The following AGR3 variants were observed in gnomAD, a reference collection of about 807,000 sequenced individuals.
AGR3 encodes the protein anterior gradient protein 3.
Under a neutral mutation model 24.5 loss-of-function variants are expected in AGR3, and 37 were observed. The observed-to-expected ratio is 1.51, with a 90% confidence interval of 1.16 to 1.99. The LOEUF is 1.99. AGR3 is among the 30% of genes most tolerant of loss of function. The pLI, the probability that AGR3 is intolerant of heterozygous loss-of-function variation, is 0.00. For missense variants in AGR3, 228 were observed against 191.1 expected (o/e 1.19, Z -1.14); for synonymous variants, 75 against 61.6 (o/e 1.22, Z -1.02).
intron 3 of AGR3, among the ~76,000 whole-genome samples, chr7:16,872,923 A>G (rs1032513228): frequency 1.3e-5 from 2 of 152,314 alleles, no homozygotes; most frequent in Middle Eastern, 3.4e-3. Context: ...CACAGTTAGA[A>G]CTGATATTAT....
Position 16,865,517 on chromosome 7 carries a change from A to G in AGR3, c.174-2855T>C, listed in dbSNP as rs1004474941. 1.9e-4 allele frequency: 132 copies of G among 700,196 alleles called. 2 individuals carry two copies. In the East Asian group the frequency reaches 3.2e-3, roughly 17 times the overall value. 43.4% of individuals were successfully genotyped at this position (700,196 alleles called of 1,614,324 possible). A position where few individuals can be genotyped will look rare whatever the true frequency, so the allele number is the denominator to read the frequency against. The stretch of plus-strand genomic sequence containing the variant: ...GGAACAAGAAACTTTGATTATTTTT[A>G]CCACTGAGACTGTCACAGATTATAA... On this transcript the variant is annotated intron_variant, in intron 3 of 7. Coordinates refer to ENST00000310398, the MANE Select transcript of AGR3 (RefSeq NM_176813.5).
intron 7 of AGR3, 87 bp from the exon 8 acceptor site, chr7:16,859,718 C>T (rs185875614): frequency 4.8e-6 from 4 of 829,220 alleles, no homozygotes; most frequent in African/African-American, 3.4e-5. Context: ...TGAAATTGGC[C>T]CATTTAAATT....
In AGR3 at chr7:16,862,520, C is replaced by G. The variant is rs541971777; in HGVS notation, c.226+90G>C. The G allele has an allele frequency of 4.9e-5, 36 of 728,858 alleles. No individual in the cohort carries two copies. The African/African-American group carries it at 6.6e-4, about 13-fold the overall frequency. The allele number at this position is 728,858 out of a possible 1,614,324, so 45.1% of individuals were successfully genotyped here. ...ATTTTTTTTAATGGGATTTGCTGAG[C>G]GCCTTCTTAGCTATTATTACCAGGT... On this transcript the variant is annotated intron_variant, in intron 4 of 7. Coordinates refer to ENST00000310398, the MANE Select transcript of AGR3 (RefSeq NM_176813.5).
chr7:16,877,298 T>A (rs1225622492), intron 2 of AGR3, among the ~76,000 whole-genome samples: 1 of 142,462 alleles, frequency 7.0e-6, no homozygotes, highest in Non-Finnish European at 1.5e-5. Context: ...ATATATAATA[T>A]ATAGTATATA....
At chr7:16,866,256 C>A in intron 3 of AGR3, 2 of 529,250 alleles carry the variant, frequency 3.8e-6, no homozygotes, top group East Asian at 8.8e-5. Context: ...TGGGTCAATC[C>A]AGTCTGTTAC....
chr7:16,865,252 G>C lies in AGR3; in HGVS notation c.174-2590C>G, dbSNP rs544674296. 3.2e-5 allele frequency: 27 copies of C among 838,152 alleles called. No homozygotes were observed. The Admixed American group carries it at 4.6e-4, about 14-fold the overall frequency. 51.9% of individuals were successfully genotyped at this position (838,152 alleles called of 1,614,324 possible). A position where few individuals can be genotyped will look rare whatever the true frequency, so the allele number is the denominator to read the frequency against. On this transcript the variant is annotated intron_variant, in intron 3 of 7. Coordinates refer to ENST00000310398, the MANE Select transcript of AGR3 (RefSeq NM_176813.5). ...TTTAAAGACATTCTTTTTTTCCTTG[G>C]CCATAAGTTGTTTTCTCCTTTTGAA...
downstream of AGR3, among the ~76,000 whole-genome samples, chr7:16,855,180 A>G (rs982765278): frequency 5.3e-5 from 8 of 152,170 alleles, no homozygotes; most frequent in Non-Finnish European, 1.0e-4. Context: ...GTTGGTTACT[A>G]TAGTCATCCT....
In AGR3 at chr7:16,860,562, G is replaced by A; in HGVS notation, c.389C>T (p.Ala130Val). 1.2e-6 allele frequency: 2 copies of A among 1,613,222 alleles called. No homozygotes were observed. Among genetic ancestry groups the A allele is most frequent in the Non-Finnish European group, 1.7e-6 (2 of 1,179,480 alleles). The change falls in exon 7 of 8, where the codon GCT (alanine) becomes GTT (valine). Residue 130 changes from alanine to valine, a missense_variant. Coordinates refer to ENST00000310398, the MANE Select transcript of AGR3 (RefSeq NM_176813.5). Reference sequence around the variant, plus strand: ...GTTAGAGTATCTTCCAGCTATGTCAGCTCTAACTGTTAAAGAAGGGTCTGT... The same window carrying A: ...GTTAGAGTATCTTCCAGCTATGTCAACTCTAACTGTTAAAGAAGGGTCTGT... ...MFVDPSLTVR[A>V]DIAGRYSNRL...
chr7:16,856,951 G>C (rs1315221151), downstream of AGR3, among the ~76,000 whole-genome samples: 1 of 149,020 alleles, frequency 6.7e-6, no homozygotes, highest in East Asian at 2.0e-4. Context: ...ATGTGCGGTA[G>C]AAATATCAAC....
chr7:16,866,823 G>A (rs973398079), intron 3 of AGR3, among the ~76,000 whole-genome samples: 1 of 152,062 alleles, frequency 6.6e-6, no homozygotes, highest in Non-Finnish European at 1.5e-5. Context: ...GTATATTAGA[G>A]AAAGTCACCC....
chr7:16,863,513 C>G (rs1781689259), intron 3 of AGR3, among the ~76,000 whole-genome samples: 1 of 151,956 alleles, frequency 6.6e-6, no homozygotes, highest in African/African-American at 2.4e-5. Flanking sequence ...ACTTCTATAA[C>G]TATGCTGTAT....
chr7:16,873,649 T>G, intron 3 of AGR3, 131 bp downstream of exon 3: 2 of 689,390 alleles, frequency 2.9e-6, no homozygotes, highest in Non-Finnish European at 4.9e-6. Flanking sequence ...ATGCATATGC[T>G]AATTACACTG....
At chr7:16,868,703 G>T (rs1430455326) in intron 3 of AGR3, among the ~76,000 whole-genome samples, 3 of 151,690 alleles carry the variant, frequency 2.0e-5, no homozygotes, top group Admixed American at 2.0e-4. Flanking sequence ...TGTTTTTGAG[G>T]TCATATGAAA....
chr7:16,864,754 G>A lies in AGR3; in HGVS notation c.174-2092C>T. 4 of 1,273,964 alleles carry A rather than the reference G, an allele frequency of 3.1e-6. No individual in the cohort carries two copies. In the South Asian group the frequency reaches 4.8e-5, roughly 15 times the overall value. The allele number at this position is 1,273,964 out of a possible 1,614,324, so 78.9% of individuals were successfully genotyped here. A position where few individuals can be genotyped will look rare whatever the true frequency, so the allele number is the denominator to read the frequency against. ...CGGTGTGTGCGAGGGTCAAAAACTT[G>A]ATCCTTCTCCTTGGCAATGAGCATA... On this transcript the variant is annotated intron_variant, in intron 3 of 7. Coordinates refer to ENST00000310398, the MANE Select transcript of AGR3 (RefSeq NM_176813.5).
intron 3 of AGR3, chr7:16,865,491 G>C (rs7784670): frequency 0.12 from 88,825 of 722,692 alleles, 8,195 homozygotes; most frequent in East Asian, 0.35. Flanking sequence ...AATTTCTTTG[G>C]GGAACAAGAA....
At chr7:16,868,001 T>C (rs1378755859) in intron 3 of AGR3, among the ~76,000 whole-genome samples, 1 of 152,198 alleles carries the variant, frequency 6.6e-6, no homozygotes, top group Admixed American at 6.5e-5. Context: ...AAGGGTTCTC[T>C]TTTCTCCACA....
downstream of AGR3, among the ~76,000 whole-genome samples, chr7:16,857,699 A>G (rs181167744): frequency 2.3e-3 from 351 of 152,310 alleles, 1 homozygote; most frequent in African/African-American, 7.9e-3. Flanking sequence ...TTTTGTAAAT[A>G]AATAGGATAC....
At chr7:16,881,512 GC>G (rs1322459062) in intron 1 of AGR3, among the ~76,000 whole-genome samples, 5 of 152,188 alleles carry the variant, frequency 3.3e-5, no homozygotes, top group Admixed American at 6.5e-5. Context: ...AGCTTAAAAT[GC>G]ATTTGGGAGG....
chr7:16,857,620 C>T (rs1168400859), downstream of AGR3, among the ~76,000 whole-genome samples: 1 of 151,962 alleles, frequency 6.6e-6, no homozygotes, highest in East Asian at 1.9e-4. Flanking sequence ...AAAATAAAAG[C>T]TCTAGACTTT....
Sources: allele counts gnomAD v4.1 joint callset (sites outside exome capture counted in the v4.1 genomes callset), GRCh38; gene constraint gnomAD v4.1.1; transcripts MANE v1.5; gene names NCBI Gene and HGNC (gene_info 2026-07-23, HGNC 2026-07-21).